GALNTL6: variants seen among roughly 807,000 people sequenced by gnomAD.
GALNTL6 encodes the protein polypeptide N-acetylgalactosaminyltransferase like 6, also known as polypeptide N-acetylgalactosaminyltransferase-like 6.
Under a neutral mutation model 73.7 loss-of-function variants are expected in GALNTL6, and 46 were observed. The observed-to-expected ratio is 0.62, with a 90% CI of 0.49 to 0.80. GALNTL6 has a LOEUF of 0.80. GALNTL6 is among the 30% of genes least tolerant of loss of function. The pLI, the probability that GALNTL6 is intolerant of heterozygous loss-of-function variation, is 0.00. For missense variants in GALNTL6, 604 were observed against 755.0 expected (o/e 0.80, Z 2.34); for synonymous variants, 259 against 263.7 (o/e 0.98, Z 0.17).
intron 4 of GALNTL6, among the ~76,000 whole-genome samples, chr4:172,341,880 A>G (rs1741579477): frequency 6.6e-6 from 1 of 152,216 alleles, no homozygotes. Flanking sequence ...TCAAGTAGAA[A>G]GGTAAATATG....
chr4:172,125,137 A>ATT (rs1202958629), intron 2 of GALNTL6, among the ~76,000 whole-genome samples: 8 of 152,196 alleles, frequency 5.3e-5, no homozygotes, highest in African/African-American at 1.9e-4. Flanking sequence ...AAAGGCAATG[A>ATT]TGTATGACCT....
At position 172,656,180 on chromosome 4, in the gene GALNTL6, A is replaced by T. The variant is rs1024824676; in HGVS notation, c.554-153181A>T. ...GGAAATGCTCAAATCTGTCTCCCTG[A>T]GCGAGGGTTGGGTCTGGGTGATGCC... On this transcript the variant is annotated intron_variant, in intron 5 of 12. Coordinates refer to ENST00000506823, the MANE Select transcript of GALNTL6 (RefSeq NM_001034845.3). Among the ~76,000 whole-genome samples the T allele has an allele frequency of 1.2e-4, 19 of 152,230 alleles. No homozygotes were observed. In the East Asian group the frequency reaches 3.3e-3, roughly 26 times the overall value.
At chr4:172,309,880 T>G (rs954918229) in intron 3 of GALNTL6, among the ~76,000 whole-genome samples, 2 of 151,784 alleles carry the variant, frequency 1.3e-5, no homozygotes, top group Non-Finnish European at 2.9e-5. Flanking sequence ...CTACAAAAAT[T>G]TACCAAAAAT....
chr4:171,903,806 C>G (rs1019849947), intron 2 of GALNTL6, among the ~76,000 whole-genome samples: 2 of 152,084 alleles, frequency 1.3e-5, no homozygotes, highest in Non-Finnish European at 2.9e-5. Context: ...TGAGAACGGG[C>G]AGACTGCCTC....
chr4:172,352,843 T>C (rs1741987393), intron 5 of GALNTL6, among the ~76,000 whole-genome samples: 1 of 151,952 alleles, frequency 6.6e-6, no homozygotes, highest in African/African-American at 2.4e-5. Flanking sequence ...AAAAGGGAAG[T>C]AGTTGAATAT....
intron 12 of GALNTL6, among the ~76,000 whole-genome samples, chr4:173,037,013 C>T (rs934175299): frequency 6.6e-6 from 1 of 152,210 alleles, no homozygotes; most frequent in Non-Finnish European, 1.5e-5. Context: ...TAGTGATTCA[C>T]AAGCTCAGCT....
chr4:171,838,108 CTATT>C lies in GALNTL6; in HGVS notation c.138+23416_138+23419del, dbSNP rs57493491. Among the ~76,000 whole-genome samples the C allele has an allele frequency of 9.4e-3, 1,400 of 149,550 alleles. 21 individuals carry two copies. The highest frequency in any genetic ancestry group is 0.032 in the African/African-American group (1,306 of 40,404). ...AAAGTTTAAAATTCATTGTTTCTGTCTATTTATTTATTTATTTATTTATTTATTT... is the reference window on the plus strand; with the variant it reads ...AAAGTTTAAAATTCATTGTTTCTGTCTATTTATTTATTTATTTATTTATTT... On this transcript the variant is annotated intron_variant, in intron 2 of 12. Transcript: ENST00000506823.
chr4:172,920,587 T>C (rs1322961027), intron 8 of GALNTL6, among the ~76,000 whole-genome samples: 1 of 152,230 alleles, frequency 6.6e-6, no homozygotes, highest in Non-Finnish European at 1.5e-5. Context: ...AATTTAAGTA[T>C]TTATTTATAT....
intron 5 of GALNTL6, among the ~76,000 whole-genome samples, chr4:172,786,785 AAG>A (rs536929234): frequency 9.8e-5 from 15 of 152,324 alleles, no homozygotes; most frequent in African/African-American, 3.4e-4. Context: ...TTAAACTAAA[AAG>A]AGTATAAATG....
intron 2 of GALNTL6, among the ~76,000 whole-genome samples, chr4:171,917,221 T>C (rs1737656813): frequency 6.6e-6 from 1 of 151,950 alleles, no homozygotes; most frequent in African/African-American, 2.4e-5. Flanking sequence ...TCACCCTTAT[T>C]CCAGACATAT....
intron 10 of GALNTL6, among the ~76,000 whole-genome samples, chr4:172,992,205 A>G (rs970010234): frequency 6.6e-6 from 1 of 152,214 alleles, no homozygotes; most frequent in Non-Finnish European, 1.5e-5. Flanking sequence ...GACTCTTTCC[A>G]ACTAGCTAAG....
intron 5 of GALNTL6, among the ~76,000 whole-genome samples, chr4:172,470,633 G>C (rs1437416775): frequency 6.6e-6 from 1 of 152,036 alleles, no homozygotes; most frequent in African/African-American, 2.4e-5. Context: ...TATGGATTTT[G>C]ACAACCGTGC....
chr4:171,888,512 A>T (rs537795719), intron 2 of GALNTL6, among the ~76,000 whole-genome samples: 1 of 151,904 alleles, frequency 6.6e-6, no homozygotes, highest in East Asian at 1.9e-4. Flanking sequence ...TCTTTTTGGG[A>T]ATGCTTGTCA....
At chr4:172,747,174 T>G (rs1579429804) in intron 5 of GALNTL6, among the ~76,000 whole-genome samples, 1 of 152,078 alleles carries the variant, frequency 6.6e-6, no homozygotes, top group African/African-American at 2.4e-5. Flanking sequence ...GAGATAGGAT[T>G]GCCTCAAACA....
intron 2 of GALNTL6, among the ~76,000 whole-genome samples, chr4:172,136,264 C>T (rs1733633439): frequency 6.6e-6 from 1 of 151,942 alleles, no homozygotes; most frequent in Non-Finnish European, 1.5e-5. Context: ...GGATATGGGA[C>T]TTTGTAAAAT....
chr4:172,285,512 A>G (rs996742970), intron 3 of GALNTL6, among the ~76,000 whole-genome samples: 1 of 152,132 alleles, frequency 6.6e-6, no homozygotes, highest in Non-Finnish European at 1.5e-5. Context: ...CCTTTGTTCT[A>G]TTATCCATAC....
chr4:172,733,855 G>A (rs1434014187), intron 5 of GALNTL6, among the ~76,000 whole-genome samples: 2 of 152,212 alleles, frequency 1.3e-5, no homozygotes, highest in African/African-American at 4.8e-5. Context: ...TTGGTACCAG[G>A]AGTGGGGTAC....
At chr4:172,584,391 A>C (rs1737322331) in intron 5 of GALNTL6, among the ~76,000 whole-genome samples, 1 of 152,200 alleles carries the variant, frequency 6.6e-6, no homozygotes, top group Admixed American at 6.5e-5. Context: ...AAACAAAACA[A>C]AAAATAGAGA....
At chr4:172,654,428 C>T (rs978534498) in intron 5 of GALNTL6, among the ~76,000 whole-genome samples, 1 of 152,174 alleles carries the variant, frequency 6.6e-6, no homozygotes, top group African/African-American at 2.4e-5. Flanking sequence ...CCAAGGGCCC[C>T]AGCTGATCTA....
Sources: allele counts gnomAD v4.1 joint callset (sites outside exome capture counted in the v4.1 genomes callset), GRCh38; gene constraint gnomAD v4.1.1; transcripts MANE v1.5; gene names NCBI Gene and HGNC (gene_info 2026-07-23, HGNC 2026-07-21).